LRRC7: variants seen among roughly 807,000 people sequenced by gnomAD.
LRRC7 encodes the protein leucine-rich repeat-containing protein 7.
LRRC7 carries 23 observed loss-of-function variants against 175.7 expected under a neutral mutation model. The ratio of observed to expected loss-of-function variants is 0.13; its 90% CI spans 0.09 to 0.19. The LOEUF is 0.19. LRRC7 is among the 10% of genes least tolerant of loss of function. The pLI, the probability that LRRC7 is intolerant of heterozygous loss-of-function variation, is 1.00. For synonymous variants in LRRC7, 685 were observed against 680.9 expected, an observed-to-expected ratio of 1.01 and a Z score of -0.09; for missense variants, 1,354 against 1,904.7, an observed-to-expected ratio of 0.71 and a Z score of 5.38.
At chr1:70,059,979 TTAAA>T (rs897479270) in intron 23 of LRRC7, among the ~76,000 whole-genome samples, 52 of 152,052 alleles carry the variant, frequency 3.4e-4, no homozygotes, top group African/African-American at 1.2e-3. Context: ...ATCTAGAAAT[TTAAA>T]TAAATACATT....
chr1:69,584,093 C>T (rs1401726853), intron 1 of LRRC7, among the ~76,000 whole-genome samples: 1 of 152,094 alleles, frequency 6.6e-6, no homozygotes, highest in Admixed American at 6.6e-5. Flanking sequence ...TGCTTGGAAT[C>T]GCTTACTTCT....
intron 7 of LRRC7, among the ~76,000 whole-genome samples, chr1:69,862,738 C>T (rs532180146): frequency 6.6e-5 from 10 of 152,064 alleles, no homozygotes; most frequent in East Asian, 1.9e-4. Flanking sequence ...GGTACATGTG[C>T]GGAATGTACA....
chr1:69,613,156 C>T (rs1182659399), intron 1 of LRRC7, among the ~76,000 whole-genome samples: 1 of 152,104 alleles, frequency 6.6e-6, no homozygotes, highest in Non-Finnish European at 1.5e-5. Flanking sequence ...CTCACAGTTC[C>T]AGAACACTGG....
chr1:69,710,475 T>C lies in LRRC7; in HGVS notation c.100+31997T>C, dbSNP rs559512951. Reference sequence around the variant, plus strand: ...CCTGTAGGGTTTACAGATTTGGAGATGGGTGCATGTTTAAAGGTAACAATG... The same window carrying C: ...CCTGTAGGGTTTACAGATTTGGAGACGGGTGCATGTTTAAAGGTAACAATG... On this transcript the variant is annotated intron_variant, in intron 2 of 26. Transcript: ENST00000651989. Among the ~76,000 whole-genome samples the C allele has an allele frequency of 3.3e-5, 5 of 152,192 alleles. No individual in the cohort carries two copies. In the South Asian group the frequency reaches 8.3e-4, roughly 25 times the overall value.
rs1232677949 is a variant in LRRC7 at position 70,128,124 on chromosome 1, G to A, written c.*6237G>A. ...TTACAGGTGCGTGCCACCACACTGG[G>A]CTAATTTTTGTATTTTTAGTAGGGA... On this transcript the variant is annotated 3_prime_UTR_variant, in exon 27 of 27. Coordinates refer to ENST00000651989, the MANE Select transcript of LRRC7 (RefSeq NM_001370785.2). Among the ~76,000 whole-genome samples the A allele has an allele frequency of 6.6e-6, 1 of 152,150 alleles. No homozygotes were observed. Among genetic ancestry groups the A allele is most frequent in the African/African-American group, 2.4e-5 (1 of 41,510 alleles).
At chr1:69,613,592 TC>T (rs752986320) in intron 1 of LRRC7, among the ~76,000 whole-genome samples, 7 of 152,054 alleles carry the variant, frequency 4.6e-5, no homozygotes, top group African/African-American at 1.7e-4. Context: ...GCCTGCATTT[TC>T]AATTGATGAG....
At chr1:69,965,603 G>A (rs986628652) in intron 8 of LRRC7, among the ~76,000 whole-genome samples, 2 of 151,704 alleles carry the variant, frequency 1.3e-5, no homozygotes, top group Non-Finnish European at 2.9e-5. Context: ...CCAAATTTGA[G>A]TAATTAAATT....
At chr1:69,602,821 A>G (rs1440859906) in intron 1 of LRRC7, among the ~76,000 whole-genome samples, 2 of 152,228 alleles carry the variant, frequency 1.3e-5, no homozygotes, top group African/African-American at 4.8e-5. Flanking sequence ...CCATAAGATT[A>G]TAATACCTTA....
chr1:69,595,428 A>AAAAC (rs893635139), intron 1 of LRRC7, among the ~76,000 whole-genome samples: 4 of 152,174 alleles, frequency 2.6e-5, no homozygotes, highest in African/African-American at 9.7e-5. Context: ...AAACAAACAA[A>AAAAC]AAACAAACAA....
intron 17 of LRRC7, 66 bp from the exon 18 acceptor site, chr1:70,028,105 G>A: frequency 7.5e-7 from 1 of 1,326,036 alleles, no homozygotes; most frequent in Non-Finnish European, 1.1e-6. Flanking sequence ...ATATAAAATG[G>A]GATAGTTTTG....
At chr1:69,991,439 A>G (rs2101906059) in intron 10 of LRRC7, among the ~76,000 whole-genome samples, 1 of 152,232 alleles carries the variant, frequency 6.6e-6, no homozygotes, top group African/African-American at 2.4e-5. Flanking sequence ...CTATCTTTGG[A>G]CCTTATTGAC....
At chr1:70,118,906 G>A (rs562259453) in intron 26 of LRRC7, among the ~76,000 whole-genome samples, 5 of 151,858 alleles carry the variant, frequency 3.3e-5, no homozygotes. Flanking sequence ...TCTACATATT[G>A]GGCTCTCTTC....
chr1:70,050,099 ACAC>A (rs1558026661), intron 22 of LRRC7, among the ~76,000 whole-genome samples: 1 of 147,912 alleles, frequency 6.8e-6, no homozygotes, highest in Non-Finnish European at 1.5e-5. Flanking sequence ...TACTGTGCAC[ACAC>A]ATGTTTATAC....
intron 6 of LRRC7, among the ~76,000 whole-genome samples, chr1:69,836,215 T>C (rs750893965): frequency 1.7e-4 from 26 of 151,984 alleles, no homozygotes; most frequent in Admixed American, 4.6e-4. Context: ...ACATCAACCT[T>C]TCCCAGATTC....
At chr1:69,765,791 A>T (rs1671561104) in intron 3 of LRRC7, among the ~76,000 whole-genome samples, 1 of 152,106 alleles carries the variant, frequency 6.6e-6, no homozygotes, top group Non-Finnish European at 1.5e-5. Context: ...CAAGTTTCCA[A>T]CTTCTCTTGA....
chr1:70,080,438 C>T (rs2102142950), intron 24 of LRRC7, among the ~76,000 whole-genome samples: 1 of 152,234 alleles, frequency 6.6e-6, no homozygotes, highest in African/African-American at 2.4e-5. Context: ...GGCTCCTCTT[C>T]AGTGATAAAA....
At chr1:69,994,692 T>C in intron 11 of LRRC7, 59 bp downstream of exon 11, 1 of 1,151,278 alleles carries the variant, frequency 8.7e-7, no homozygotes, top group South Asian at 1.3e-5. Flanking sequence ...AAAGGATATA[T>C]TGAGTTTTCT....
intron 1 of LRRC7, among the ~76,000 whole-genome samples, chr1:69,596,674 G>A (rs1405824312): frequency 1.3e-5 from 2 of 152,192 alleles, no homozygotes; most frequent in African/African-American, 2.4e-5. Context: ...ACAAGATTTA[G>A]CTAAAAGCTA....
intron 7 of LRRC7, among the ~76,000 whole-genome samples, chr1:69,870,070 CA>C: frequency 6.6e-6 from 1 of 152,076 alleles, no homozygotes; most frequent in Non-Finnish European, 1.5e-5. Flanking sequence ...GTTACCAAAG[CA>C]GGTGTGATAA....
Sources: allele counts gnomAD v4.1 joint callset (sites outside exome capture counted in the v4.1 genomes callset), GRCh38; gene constraint gnomAD v4.1.1; transcripts MANE v1.5; gene names NCBI Gene and HGNC (gene_info 2026-07-23, HGNC 2026-07-21).